The following PTPRC variants were observed in gnomAD, a reference collection of about 807,000 sequenced individuals.
The protein encoded by PTPRC is receptor-type tyrosine-protein phosphatase C.
PTPRC carries 44 observed loss-of-function variants against 155.9 expected under a neutral mutation model. The observed-to-expected ratio is 0.28, with a 90% CI of 0.22 to 0.36. The LOEUF is 0.36. Among genes scored for constraint, PTPRC ranks in the 10% least tolerant of loss-of-function variants. The pLI, the probability that PTPRC is intolerant of heterozygous loss-of-function variation, is 1.00. For missense variants in PTPRC, 1,401 were observed against 1,564.6 expected, an observed-to-expected ratio of 0.90 and a Z score of 1.76; for synonymous variants, 525 against 533.1, an observed-to-expected ratio of 0.98 and a Z score of 0.21.
intron 2 of PTPRC, among the ~76,000 whole-genome samples, chr1:198,661,907 C>T (rs758666787): frequency 7.2e-5 from 11 of 152,170 alleles, no homozygotes; most frequent in East Asian, 1.9e-4. Context: ...TACCTACCTC[C>T]GGTTAGCCTC....
Position 198,639,278 on chromosome 1 carries a change from T to C in PTPRC, c.10T>C (p.Tyr4His). 1 of 1,613,402 alleles carries C rather than the reference T, an allele frequency of 6.2e-7. No homozygotes were observed. The highest frequency in any genetic ancestry group is 8.5e-7 in the Non-Finnish European group (1 of 1,179,458). The change falls in exon 2 of 33, where the codon TAT becomes CAT. Residue 4 changes from tyrosine (Y) to histidine (H), a missense_variant. Physicochemically the swap from Tyr to His is moderately conservative, Grantham distance 83. Transcript: ENST00000442510. ...CGGCTGACTTCCAGATATGACCATG[T>C]ATTTGTGGCTTAAACTCTTGGCATT... MTM[Y>H]LWLKLLAFGF... is the part of the protein sequence containing the mutation.
At chr1:198,658,168 G>T (rs1274458688) in intron 2 of PTPRC, among the ~76,000 whole-genome samples, 1 of 152,034 alleles carries the variant, frequency 6.6e-6, no homozygotes, top group South Asian at 2.1e-4. Flanking sequence ...GTTTTCCTTT[G>T]TCTTTGTATA....
Position 198,731,640 on chromosome 1 carries a change from G to A in PTPRC, c.1888G>A (p.Val630Met), listed in dbSNP as rs1455154652. 1.9e-6 allele frequency: 3 copies of A among 1,610,192 alleles called. No individual in the cohort carries two copies. The highest frequency in any genetic ancestry group is 1.1e-5 in the South Asian group (1 of 91,014). ...ERDDEKQLMN[V>M]EPIHADILLE... ...AGATGATGAAAAACAACTGATGAAT[G>A]TGGAGCCAATCCATGCAGATATTTT... Residue 630 changes from valine to methionine, a missense_variant, in exon 18 of 33, where the codon GTG becomes ATG. Physicochemically the swap from Val to Met is conservative, Grantham distance 21 (BLOSUM62 1). Around this residue, in one of 3 missense-constraint regions of PTPRC, gnomAD observed 867 missense variants for 970.4 expected, o/e 0.89. Transcript: ENST00000442510.
At chr1:198,658,725 G>T (rs548209235) in intron 2 of PTPRC, among the ~76,000 whole-genome samples, 1 of 152,150 alleles carries the variant, frequency 6.6e-6, no homozygotes, top group Admixed American at 6.5e-5. Context: ...AAGATTTGAT[G>T]GAATTGCACT....
chr1:198,735,364 C>T, intron 23 of PTPRC, 112 bp downstream of exon 23: 1 of 1,018,568 alleles, frequency 9.8e-7, no homozygotes, highest in Non-Finnish European at 1.4e-6. Context: ...TTTTTGATAA[C>T]CTTTAGGATG....
intron 2 of PTPRC, among the ~76,000 whole-genome samples, chr1:198,684,438 T>C (rs966896640): frequency 9.9e-5 from 15 of 151,916 alleles, no homozygotes; most frequent in African/African-American, 3.4e-4. Context: ...TTGATTTTAT[T>C]CCTCTCATGG....
intron 23 of PTPRC, among the ~76,000 whole-genome samples, chr1:198,737,627 A>T (rs1167898634): frequency 6.6e-6 from 1 of 151,698 alleles, no homozygotes; most frequent in Non-Finnish European, 1.5e-5. Context: ...TTCACTCAGG[A>T]TGGCTTTGGC....
intron 26 of PTPRC, among the ~76,000 whole-genome samples, chr1:198,746,251 T>C (rs1655128289): frequency 6.6e-6 from 1 of 151,802 alleles, no homozygotes; most frequent in Non-Finnish European, 1.5e-5. Flanking sequence ...TAGAAGCTAG[T>C]ATAGTATGAT....
At chr1:198,669,474 AT>A (rs1664521536) in intron 2 of PTPRC, among the ~76,000 whole-genome samples, 5 of 152,178 alleles carry the variant, frequency 3.3e-5, no homozygotes, top group Admixed American at 2.6e-4. Flanking sequence ...TTTGAAAAAA[AT>A]GTATTATTAG....
chr1:198,706,456 A>C (rs1466766804), intron 8 of PTPRC, among the ~76,000 whole-genome samples: 1 of 152,224 alleles, frequency 6.6e-6, no homozygotes, highest in Non-Finnish European at 1.5e-5. Context: ...GATAATAAAA[A>C]TAGCCTAGAC....
intron 23 of PTPRC, among the ~76,000 whole-genome samples, chr1:198,738,181 T>G (rs2102502556): frequency 6.6e-6 from 1 of 151,822 alleles, no homozygotes; most frequent in African/African-American, 2.4e-5. Context: ...TAGCTGGGAC[T>G]TCCAGTTGAA....
At chr1:198,694,876 G>C (rs1397919353) in intron 3 of PTPRC, 1 of 967,228 alleles carries the variant, frequency 1.0e-6, no homozygotes, top group East Asian at 1.1e-4. Flanking sequence ...CTGAAGACTA[G>C]AGGTAGTTAC....
chr1:198,699,371 T>G (rs1006925136), intron 4 of PTPRC, among the ~76,000 whole-genome samples, 193 bp from the exon 5 acceptor site: 1 of 152,224 alleles, frequency 6.6e-6, no homozygotes, highest in African/African-American at 2.4e-5. Flanking sequence ...CCCAAGGCTA[T>G]GTAAATAGAG....
intron 15 of PTPRC, 122 bp from the exon 16 acceptor site, chr1:198,728,218 T>G (rs923126697): frequency 1.3e-6 from 1 of 748,338 alleles, no homozygotes; most frequent in Non-Finnish European, 2.0e-6. Context: ...AAATGTTTAT[T>G]TTTTAAAACC....
intron 2 of PTPRC, among the ~76,000 whole-genome samples, chr1:198,665,079 C>CCT (rs1557979011): frequency 3.9e-5 from 4 of 102,242 alleles, no homozygotes; most frequent in Non-Finnish European, 6.1e-5. Flanking sequence ...ATCCCGGCAG[C>CCT]ATTTTTTTTT....
At chr1:198,680,019 C>T (rs754817808) in intron 2 of PTPRC, 178 of 554,150 alleles carry the variant, frequency 3.2e-4, no homozygotes, top group Non-Finnish European at 6.7e-5. Context: ...AGGGCCTGGA[C>T]CGCTTGCTGA....
At chr1:198,675,241 G>A (rs1369750435) in intron 2 of PTPRC, among the ~76,000 whole-genome samples, 1 of 152,010 alleles carries the variant, frequency 6.6e-6, no homozygotes, top group Non-Finnish European at 1.5e-5. Flanking sequence ...TTTCAACATG[G>A]AATTAATGTT....
intron 18 of PTPRC, 93 bp from the exon 19 acceptor site, chr1:198,732,207 C>T (rs749358727): frequency 1.3e-5 from 12 of 946,366 alleles, no homozygotes; most frequent in Non-Finnish European, 1.7e-5. Flanking sequence ...AAATATTTTA[C>T]AGGATATCTC....
chr1:198,692,315 T>C, intron 2 of PTPRC, 32 bp from the exon 3 acceptor site: 1 of 1,492,978 alleles, frequency 6.7e-7, no homozygotes, highest in Non-Finnish European at 9.1e-7. Context: ...AAATTTGAAA[T>C]TTTCTAAGAG....
Sources: allele counts gnomAD v4.1 joint callset (sites outside exome capture counted in the v4.1 genomes callset), GRCh38; gene constraint gnomAD v4.1.1; regional missense constraint gnomAD v4.1.1; transcripts MANE v1.5; gene names NCBI Gene and HGNC (gene_info 2026-07-23, HGNC 2026-07-21).